The following HPN variants were observed in gnomAD, a reference collection of about 807,000 sequenced individuals.
The protein encoded by HPN is hepsin, also known as serine protease hepsin.
Under a neutral mutation model 55.9 loss-of-function variants are expected in HPN, and 13 were observed. The observed-to-expected ratio is 0.23, with a 90% CI of 0.15 to 0.37. The LOEUF (loss-of-function observed/expected upper bound fraction) is 0.37. Ranked by LOEUF, HPN falls within the 10% of genes least tolerant of loss-of-function variation. The pLI, the probability that HPN is intolerant of heterozygous loss-of-function variation, is 1.00. For synonymous variants in HPN, 225 were observed against 240.3 expected (o/e 0.94, Z 0.59); for missense variants, 451 against 575.8 (o/e 0.78, Z 2.22).
At chr19:35,052,765 G>A (rs1454024212) in intron 4 of HPN, among the ~76,000 whole-genome samples, 1 of 152,122 alleles carries the variant, frequency 6.6e-6, no homozygotes, top group Non-Finnish European at 1.5e-5. Flanking sequence ...AGGAAGGCAG[G>A]GACCTTTTGT....
chr19:35,059,374 C>T, intron 4 of HPN: 3 of 519,958 alleles, frequency 5.8e-6, no homozygotes, highest in Non-Finnish European at 1.1e-5. Flanking sequence ...CCTAGCTACT[C>T]AGGAGGTTGA....
chr19:35,047,583 T>C (rs894212024), intron 2 of HPN, among the ~76,000 whole-genome samples: 6 of 152,170 alleles, frequency 3.9e-5, no homozygotes, highest in Admixed American at 3.9e-4. Flanking sequence ...CGTGAACCCC[T>C]GAGAGTCGTA....
At chr19:35,048,082 A>AAAGG (rs1555723024) in intron 2 of HPN, among the ~76,000 whole-genome samples, 3,779 of 96,610 alleles carry the variant, frequency 0.039, 257 homozygotes, top group African/African-American at 0.071. Flanking sequence ...GAAAGAAAGA[A>AAAGG]AAGGAAGGAA....
At chr19:35,052,144 C>T (rs187888058) in intron 4 of HPN, among the ~76,000 whole-genome samples, 1 of 152,308 alleles carries the variant, frequency 6.6e-6, no homozygotes, top group Admixed American at 6.5e-5. Context: ...TGGGGCCTCC[C>T]ACCAGTCCCT....
chr19:35,057,703 C>T (rs898695177), intron 4 of HPN, among the ~76,000 whole-genome samples: 2 of 152,022 alleles, frequency 1.3e-5, no homozygotes, highest in Non-Finnish European at 2.9e-5. Context: ...ATATTATATA[C>T]TTGAACATTG....
rs779271748 is a variant in HPN, at chr19:35,059,533, G to A, written c.161-140G>A. ...ATTCCAGATGCAATCGCAGATGTGG[G>A]GGCTGCAACCCTCCGATGGGCTGGG... On this transcript the variant is annotated intron_variant, in intron 4 of 12. Transcript: ENST00000672452. 36 of 1,071,336 alleles carry A rather than the reference G, an allele frequency of 3.4e-5. No homozygotes were observed. In the South Asian group the frequency reaches 4.9e-4, roughly 14 times the overall value. 66.4% of individuals were successfully genotyped at this position (1,071,336 alleles called of 1,614,324 possible).
chr19:35,048,213 C>T (rs1282048290), intron 2 of HPN, among the ~76,000 whole-genome samples: 1 of 152,150 alleles, frequency 6.6e-6, no homozygotes, highest in South Asian at 2.1e-4. Flanking sequence ...CAGGCACTTC[C>T]GCACAGTGAG....
At chr19:35,052,555 A>G (rs63008560) in intron 4 of HPN, among the ~76,000 whole-genome samples, 2 of 134,412 alleles carry the variant, frequency 1.5e-5, no homozygotes, top group South Asian at 2.4e-4. Flanking sequence ...AAAAAAAAAA[A>G]GGCTGTGCAG....
intron 2 of HPN, among the ~76,000 whole-genome samples, chr19:35,048,072 G>GAAAA (rs1445253659): frequency 1.8e-5 from 1 of 57,102 alleles, no homozygotes; most frequent in Non-Finnish European, 3.3e-5. Context: ...AAGAAAGAAA[G>GAAAA]AAAGAAAGAA....
chr19:35,061,674 A>T (rs112988815), intron 9 of HPN, among the ~76,000 whole-genome samples: 97 of 152,280 alleles, frequency 6.4e-4, no homozygotes, highest in African/African-American at 2.3e-3. Flanking sequence ...GAAATGAATG[A>T]GGTACTGATT....
At position 35,048,082 on chromosome 19, in the gene HPN, A is replaced by AAGAAAGAAAAGGAAGG. The variant is rs111546288; in HGVS notation, c.17-1207_17-1206insGAAAGAAAAGGAAGGA. ...AAAGAAAGAAAGAAAGAAAGAAAGA[A>AAGAAAGAAAAGGAAGG]AAGGAAGGAAGGAAGGAAAAGAAAA... On this transcript the variant is annotated intron_variant, in intron 2 of 12. Transcript: ENST00000672452. 4.6e-4 allele frequency among the ~76,000 whole-genome samples: 45 copies of AAGAAAGAAAAGGAAGG among 97,020 alleles called. 1 individual carries two copies. Among genetic ancestry groups the AAGAAAGAAAAGGAAGG allele is most frequent in the African/African-American group, 1.7e-3 (42 of 25,184 alleles). The allele number at this position is 97,020 out of a possible 152,430, so 63.6% of individuals were successfully genotyped here.
rs1008294648 is a variant in HPN at position 35,048,878 on chromosome 19, C to T, written c.17-412C>T. Among the ~76,000 whole-genome samples the T allele has an allele frequency of 2.6e-5, 4 of 152,062 alleles. No individual in the cohort carries two copies. The South Asian group carries it at 6.2e-4, about 24-fold the overall frequency. On this transcript the variant is annotated intron_variant, in intron 2 of 12. Coordinates refer to ENST00000672452, the MANE Select transcript of HPN (RefSeq NM_001384133.1). Reference sequence around the variant, plus strand: ...AGAACAGCAGAAACGACTGAGGCAGCGAGGAAATGCCAGCGGCAGGGAAGA... The same window carrying T: ...AGAACAGCAGAAACGACTGAGGCAGTGAGGAAATGCCAGCGGCAGGGAAGA...
Position 35,049,399 on chromosome 19 carries a change from C to A in HPN, c.118+8C>A. The A allele has an allele frequency of 1.2e-6, 2 of 1,607,534 alleles. No homozygotes were observed. Among genetic ancestry groups the A allele is most frequent in the Non-Finnish European group, 1.7e-6 (2 of 1,176,230 alleles). ...CGGCATCCTGGGCCATTGGTGAGAG[C>A]GGTTCCTGTGCCTCTGACCTCCCCT... On this transcript the variant is annotated splice_region_variant and intron_variant, in intron 3 of 12. Transcript: ENST00000672452.
upstream of HPN, among the ~76,000 whole-genome samples, chr19:35,040,821 G>T (rs72550242): frequency 0.016 from 2,379 of 152,298 alleles, 59 homozygotes; most frequent in African/African-American, 0.054. Flanking sequence ...CCAATGAGGG[G>T]CCCTGGGCTG....
rs1163810476 is a variant in HPN, at chr19:35,041,853, C to A, written c.-74C>A. On this transcript the variant is annotated 5_prime_UTR_variant, in exon 1 of 13. Coordinates refer to ENST00000672452, the MANE Select transcript of HPN (RefSeq NM_001384133.1). ...CCCGGCACTACCTCGAGGCTCCGCC[C>A]CCACCTGCTGGACCCCAGGGTAAGG... 7.4e-7 allele frequency: 1 copy of A among 1,342,892 alleles called. No homozygotes were observed. Among genetic ancestry groups the A allele is most frequent in the African/African-American group, 1.5e-5 (1 of 67,286 alleles). The allele number at this position is 1,342,892 out of a possible 1,614,324, so 83.2% of individuals were successfully genotyped here.
chr19:35,053,796 G>A (rs755065794), intron 4 of HPN, among the ~76,000 whole-genome samples: 25 of 151,156 alleles, frequency 1.7e-4, no homozygotes, highest in Non-Finnish European at 2.7e-4. Flanking sequence ...CCCCCTCCCC[G>A]CCCCAGTTGG....
intron 2 of HPN, 34 bp downstream of exon 2, chr19:35,042,556 C>T: frequency 6.4e-7 from 1 of 1,571,272 alleles, no homozygotes; most frequent in Non-Finnish European, 8.7e-7. Context: ...AGCTTTGGCT[C>T]TGCCTGGCGC....
At chr19:35,049,224 T>G in intron 2 of HPN, 66 bp from the exon 3 acceptor site, 9 of 1,226,476 alleles carry the variant, frequency 7.3e-6, no homozygotes, top group Non-Finnish European at 7.7e-6. Flanking sequence ...AGAGCTGGCC[T>G]CGGGCCCAGA....
chr19:35,041,698 CT>C, upstream of HPN: 5 of 1,129,084 alleles, frequency 4.4e-6, no homozygotes, highest in African/African-American at 1.7e-5. Context: ...TCACCCGCCC[CT>C]CGCCCAGCCC....
Sources: allele counts gnomAD v4.1 joint callset (sites outside exome capture counted in the v4.1 genomes callset), GRCh38; gene constraint gnomAD v4.1.1; transcripts MANE v1.5; gene names NCBI Gene and HGNC (gene_info 2026-07-23, HGNC 2026-07-21).